Variants in MSRA observed in about 807,000 individuals in gnomAD.
The protein encoded by MSRA is mitochondrial peptide methionine sulfoxide reductase.
A neutral mutation model predicts 31.3 loss-of-function variants in MSRA; 54 were observed. The observed-to-expected ratio is 1.73, with a 90% CI of 1.39 to 2.17. MSRA has a LOEUF of 2.17. Among genes scored for constraint, MSRA ranks in the 30% most tolerant of loss-of-function variants. The pLI is 0.00. For synonymous variants in MSRA, 169 were observed against 116.5 expected (o/e 1.45, Z -2.90); for missense variants, 507 against 300.9 (o/e 1.69, Z -5.07).
At chr8:10,356,523 G>A (rs984753368) in intron 5 of MSRA, among the ~76,000 whole-genome samples, 6 of 152,212 alleles carry the variant, frequency 3.9e-5, no homozygotes, top group African/African-American at 1.4e-4. Flanking sequence ...GCTGTGGACT[G>A]AATGCTATGT....
intron 1 of MSRA, among the ~76,000 whole-genome samples, chr8:10,064,336 A>G (rs1485629196): frequency 6.6e-6 from 1 of 152,138 alleles, no homozygotes; most frequent in African/African-American, 2.4e-5. Context: ...CTCTTATGAA[A>G]GGGGACATAG....
intron 1 of MSRA, among the ~76,000 whole-genome samples, chr8:10,112,163 T>G (rs540318052): frequency 6.6e-6 from 1 of 152,162 alleles, no homozygotes; most frequent in Admixed American, 6.5e-5. Context: ...CTCCTTATTT[T>G]AAAAGAGCAA....
intron 5 of MSRA, among the ~76,000 whole-genome samples, chr8:10,328,027 A>ATTTTTTTTTT (rs35940076): frequency 3.1e-5 from 2 of 65,334 alleles, no homozygotes; most frequent in African/African-American, 1.4e-4. Context: ...CTCTATGGTA[A>ATTTTTTTTTT]TTTTTTTTTT....
rs542674947 is a variant in MSRA at position 10,406,255 on chromosome 8, G to A, written c.544-21893G>A. On this transcript the variant is annotated intron_variant, in intron 5 of 5. Transcript: ENST00000317173. ...AGGGAGGTCCCTTGCAGTCACGGCA[G>A]CTTGTGGGCTGTGTGACCTTGGGCA... is the stretch of plus-strand genomic sequence containing the variant. Among the ~76,000 whole-genome samples the A allele has an allele frequency of 4.6e-5, 7 of 152,370 alleles. No individual in the cohort carries two copies. The South Asian group carries it at 1.2e-3, about 27-fold the overall frequency.
chr8:10,061,401 C>G (rs1490282111), intron 1 of MSRA, among the ~76,000 whole-genome samples: 1 of 152,248 alleles, frequency 6.6e-6, no homozygotes, highest in Admixed American at 6.5e-5. Flanking sequence ...CTCCCGGAAA[C>G]CCATCCTTTT....
chr8:10,329,995 G>C (rs1802596595), intron 5 of MSRA, among the ~76,000 whole-genome samples: 1 of 134,502 alleles, frequency 7.4e-6, no homozygotes, highest in Non-Finnish European at 1.6e-5. Flanking sequence ...GGATATTTGG[G>C]AGAGAAAAAA....
chr8:10,162,703 G>A (rs1172475595), intron 1 of MSRA, among the ~76,000 whole-genome samples: 5 of 152,174 alleles, frequency 3.3e-5, no homozygotes, highest in Admixed American at 6.6e-5. Context: ...GGGGAAACCT[G>A]TAGCTCTGTG....
chr8:10,191,959 G>C (rs1016974718), intron 1 of MSRA, among the ~76,000 whole-genome samples: 1 of 152,138 alleles, frequency 6.6e-6, no homozygotes, highest in East Asian at 1.9e-4. Flanking sequence ...GGTGCCCCTG[G>C]ATCAGTGTTC....
intron 4 of MSRA, among the ~76,000 whole-genome samples, chr8:10,319,424 A>G (rs945492017): frequency 3.3e-5 from 5 of 152,250 alleles, no homozygotes; most frequent in Middle Eastern, 3.4e-3. Flanking sequence ...GACTCCTGCT[A>G]TGTGCCAAGC....
intron 3 of MSRA, among the ~76,000 whole-genome samples, chr8:10,253,564 A>T (rs545980334): frequency 3.3e-5 from 5 of 152,382 alleles, no homozygotes; most frequent in African/African-American, 1.2e-4. Flanking sequence ...CACTAGAAAT[A>T]GGTTATTCTT....
chr8:10,110,056 G>T (rs1028545834), intron 1 of MSRA, among the ~76,000 whole-genome samples: 1 of 151,952 alleles, frequency 6.6e-6, no homozygotes, highest in African/African-American at 2.4e-5. Flanking sequence ...CGGATGGGAG[G>T]CCACTCTGAT....
intron 1 of MSRA, among the ~76,000 whole-genome samples, chr8:10,168,359 C>T (rs1053421299): frequency 1.8e-4 from 28 of 152,264 alleles, no homozygotes; most frequent in African/African-American, 5.3e-4. Context: ...TCTTCCACGT[C>T]GCTGGTGTGC....
At chr8:10,370,507 G>A (rs1805415293) in intron 5 of MSRA, among the ~76,000 whole-genome samples, 1 of 152,206 alleles carries the variant, frequency 6.6e-6, no homozygotes, top group African/African-American at 2.4e-5. Flanking sequence ...ATGTAATGTT[G>A]GTTGTCATTT....
chr8:10,229,498 G>C (rs376386164), intron 2 of MSRA, among the ~76,000 whole-genome samples: 1 of 152,290 alleles, frequency 6.6e-6, no homozygotes, highest in Non-Finnish European at 1.5e-5. Context: ...GATTCTCAGA[G>C]ATCAGGGTGA....
chr8:10,160,827 C>T (rs1375743538), intron 1 of MSRA, among the ~76,000 whole-genome samples: 1 of 152,094 alleles, frequency 6.6e-6, no homozygotes, highest in African/African-American at 2.4e-5. Context: ...CGTACCCGGC[C>T]GAGATTTCAT....
At chr8:10,290,076 T>C (rs1223026646) in intron 3 of MSRA, among the ~76,000 whole-genome samples, 1 of 152,216 alleles carries the variant, frequency 6.6e-6, no homozygotes, top group Non-Finnish European at 1.5e-5. Context: ...AGAAGTTAAG[T>C]GGCCTCTCTA....
chr8:10,062,707 C>T (rs1179725489), intron 1 of MSRA, among the ~76,000 whole-genome samples: 1 of 152,110 alleles, frequency 6.6e-6, no homozygotes, highest in Non-Finnish European at 1.5e-5. Flanking sequence ...TTTGGGGGCT[C>T]CGGCCTACAT....
chr8:10,095,461 G>C (rs992644125), intron 1 of MSRA: 1 of 985,238 alleles, frequency 1.0e-6, no homozygotes, highest in East Asian at 1.1e-4. Flanking sequence ...GATCCGCAAA[G>C]GACATCTTTT....
intron 3 of MSRA, among the ~76,000 whole-genome samples, chr8:10,300,895 CTTACA>C (rs1800808156): frequency 6.6e-6 from 1 of 152,140 alleles, no homozygotes; most frequent in Non-Finnish European, 1.5e-5. Context: ...AACAGGCCTA[CTTACA>C]GAGGATCCTG....
Sources: gnomAD v4.1 joint callset for allele counts (sites outside exome capture counted in the v4.1 genomes callset) on GRCh38, gnomAD v4.1.1 for gene constraint, MANE v1.5 for transcripts, NCBI Gene and HGNC (gene_info 2026-07-23, HGNC 2026-07-21) for gene names.